MCM7: variants seen among roughly 807,000 people sequenced by gnomAD.
MCM7 encodes the protein DNA replication licensing factor MCM7.
In MCM7, 95 loss-of-function variants were observed where a neutral mutation model predicts 83.5. The ratio of observed to expected loss-of-function variants is 1.14; its 90% CI spans 0.96 to 1.35. The LOEUF (loss-of-function observed/expected upper bound fraction) is 1.35, where lower values mean the gene tolerates loss of function less well. Among genes scored for constraint, MCM7 ranks in the 40% most tolerant of loss-of-function variants. MCM7 has a pLI of 0.00. For synonymous variants in MCM7, 461 were observed against 352.7 expected, an observed-to-expected ratio of 1.31 and a Z score of -3.44; for missense variants, 1,087 against 957.4, an observed-to-expected ratio of 1.14 and a Z score of -1.79.
At chr7:100,098,525 G>C in intron 6 of MCM7, 53 bp downstream of exon 6, 1 of 1,608,352 alleles carries the variant, frequency 6.2e-7, no homozygotes, top group South Asian at 1.1e-5. Flanking sequence ...GTGACTACAG[G>C]ATTCAAGTGG....
rs1193179271 is a variant in MCM7 at position 100,093,035 on chromosome 7, G to A, written c.2057C>T (p.Ser686Phe). 7 of 1,614,228 alleles carry A rather than the reference G, an allele frequency of 4.3e-6. No individual in the cohort carries two copies. Among genetic ancestry groups the A allele is most frequent in the Admixed American group, 1.7e-5 (1 of 60,030 alleles). Reference protein sequence around the residue: ...RFSEAEQRCVSRGFTPAQFQA... With the variant: ...RFSEAEQRCVFRGFTPAQFQA... ...GAACTGGGCGGGTGTGAAGCCACGA[G>A]ATACACAGCGCTGCTCTGCCTCAGA... The change falls in exon 15 of 15, where the codon TCT becomes TTT. Residue 686 changes from serine (S) to phenylalanine (F), a missense_variant. Transcript: ENST00000303887.
chr7:100,101,018 G>GC, intron 1 of MCM7: 1 of 778,246 alleles, frequency 1.3e-6, no homozygotes, highest in Non-Finnish European at 2.0e-6. Flanking sequence ...GCGCCCCCAA[G>GC]CCCCCAACCC....
In MCM7 at chr7:100,095,818, G is replaced by A. The variant is rs149943121; in HGVS notation, c.1551C>T (p.Leu517=). Residue 517 remains leucine (L), a synonymous_variant, in exon 11 of 15, where the codon CTC becomes CTT. Transcript: ENST00000303887. ...CGGGCCGGTCCTGAATCAGCCAGAG[G>A]AGGTCAAACCGGGAGAGCAGTGCAG... The part of the protein sequence containing the change: ...LPAALLSRFD[L]LWLIQDRPDR... The A allele has an allele frequency of 5.0e-5, 80 of 1,605,102 alleles. No homozygotes were observed. The highest frequency in any genetic ancestry group is 6.7e-5 in the Non-Finnish European group (79 of 1,176,192).
chr7:100,097,055 A>T (rs547958079), intron 10 of MCM7, among the ~76,000 whole-genome samples: 3 of 152,176 alleles, frequency 2.0e-5, no homozygotes, highest in African/African-American at 7.2e-5. Flanking sequence ...GAACCGAGAT[A>T]GCGCCACTGC....
Position 100,096,052 on chromosome 7 carries a change from C to G in MCM7, c.1317G>C (p.Gln439His). The change falls in exon 11 of 15, where the codon CAG (glutamine) becomes CAC (histidine). Residue 439 changes from glutamine to histidine, a missense_variant. Coordinates refer to ENST00000303887, the MANE Select transcript of MCM7 (RefSeq NM_005916.5). ...CGAACTCATCAATGCAGCACACACC[C>G]TGGTCAGCCAGCACCAGGGCCCCAC... is the stretch of plus-strand genomic sequence containing the variant. ...LEGGALVLAD[Q>H]GVCCIDEFDK... 6.2e-7 allele frequency: 1 copy of G among 1,614,116 alleles called. No homozygotes were observed. The highest frequency in any genetic ancestry group is 8.5e-7 in the Non-Finnish European group (1 of 1,180,030).
intron 1 of MCM7, chr7:100,100,581 C>T (rs971595830): frequency 4.7e-5 from 47 of 991,234 alleles, no homozygotes; most frequent in Non-Finnish European, 5.0e-5. Context: ...GCTCGGGATT[C>T]CTCCGCCCAG....
chr7:100,097,468 C>G (rs2116575360), intron 9 of MCM7, 84 bp from the exon 10 acceptor site: 1 of 1,574,376 alleles, frequency 6.4e-7, no homozygotes, highest in East Asian at 2.2e-5. Context: ...CTGCCTACCC[C>G]TAACACCCAG....
chr7:100,099,636 A>C lies in MCM7; in HGVS notation c.229T>G (p.Phe77Val). Residue 77 changes from phenylalanine (F) to valine (V), a missense_variant, in exon 3 of 15, where the codon TTT becomes GTT. Transcript: ENST00000303887. ...AGCAGCTCTTGTACGGCATCAGCAA[A>C]GAGCTTCGCGTAGCGCCTGGCATTC... ...CENARRYAKLFADAVQELLPQ... is the reference protein window; with the variant it reads ...CENARRYAKLVADAVQELLPQ... 6.2e-7 allele frequency: 1 copy of C among 1,614,130 alleles called. No homozygotes were observed. Among genetic ancestry groups the C allele is most frequent in the African/African-American group, 1.3e-5 (1 of 75,038 alleles).
rs1363627481 is a variant in MCM7, at chr7:100,092,855, CA to C, written c.*76del. Reference sequence around the variant, plus strand: ...AGAAAGAGGGGCTCCTCCTTCCCCTCAAAGGCATCACTGCCCCTTCCCAAGG... The same window carrying C: ...AGAAAGAGGGGCTCCTCCTTCCCCTCAAGGCATCACTGCCCCTTCCCAAGG... On this transcript the variant is annotated 3_prime_UTR_variant, in exon 15 of 15. Transcript: ENST00000303887. 1 of 1,498,206 alleles carries C rather than the reference CA, an allele frequency of 6.7e-7. No individual in the cohort carries two copies. Among genetic ancestry groups the C allele is most frequent in the Non-Finnish European group, 9.3e-7 (1 of 1,077,602 alleles). The allele number at this position is 1,498,206 out of a possible 1,614,324, so 92.8% of individuals were successfully genotyped here.
rs959761484 is a variant in MCM7, at chr7:100,100,316, C to G, written c.32-223G>C. 3.2e-6 allele frequency: 4 copies of G among 1,257,378 alleles called. No individual in the cohort carries two copies. In the African/African-American group the frequency reaches 6.2e-5, roughly 19 times the overall value. The allele number at this position is 1,257,378 out of a possible 1,614,324, so 77.9% of individuals were successfully genotyped here. A position where few individuals can be genotyped will look rare whatever the true frequency, so the allele number is the denominator to read the frequency against. On this transcript the variant is annotated intron_variant, in intron 1 of 14. Coordinates refer to ENST00000303887, the MANE Select transcript of MCM7 (RefSeq NM_005916.5). ...TGCACAGGGCCATCCAACATCTCCC[C>G]AGGGGAATTCCGGTCCCTACTTTAG...
chr7:100,096,293 C>A lies in MCM7; in HGVS notation c.1202-126G>T, dbSNP rs111337959. On this transcript the variant is annotated intron_variant, in intron 10 of 14. Coordinates refer to ENST00000303887, the MANE Select transcript of MCM7 (RefSeq NM_005916.5). ...CATTCCACTCCCTCCACCAGGCCTT[C>A]TTGAGATGCCCGAGGATCTGTGGGG... 1.2e-5 allele frequency: 11 copies of A among 912,012 alleles called. No individual in the cohort carries two copies. In the African/African-American group the frequency reaches 1.3e-4, roughly 11 times the overall value. The allele number at this position is 912,012 out of a possible 1,614,324, so 56.5% of individuals were successfully genotyped here.
chr7:100,096,714 G>A (rs1333852735), intron 10 of MCM7, among the ~76,000 whole-genome samples: 1 of 151,982 alleles, frequency 6.6e-6, no homozygotes, highest in Admixed American at 6.6e-5. Flanking sequence ...GGCAGAGGTT[G>A]CAGTGAGCCA....
chr7:100,100,670 G>A, intron 1 of MCM7: 6 of 990,078 alleles, frequency 6.1e-6, no homozygotes, highest in Non-Finnish European at 7.2e-6. Flanking sequence ...TCCCGGGCCC[G>A]AGCGAAGCTC....
chr7:100,099,320 T>G lies in MCM7; in HGVS notation c.360A>C (p.Arg120=). ...EQRSRDPGMV[R]SPQNQYPAEL... is the part of the protein sequence containing the mutation. Reference sequence around the variant, plus strand: ...CAGCAGGGTACTGGTTCTGGGGGCTTCGGACCATCCCAGGGTCCCGACTCC... The same window carrying G: ...CAGCAGGGTACTGGTTCTGGGGGCTGCGGACCATCCCAGGGTCCCGACTCC... Residue 120 remains arginine (R), a synonymous_variant, in exon 4 of 15, where the codon CGA becomes CGC. Transcript: ENST00000303887. 1 of 1,613,498 alleles carries G rather than the reference T, an allele frequency of 6.2e-7. No homozygotes were observed. The highest frequency in any genetic ancestry group is 1.1e-5 in the South Asian group (1 of 91,050).
In MCM7 at chr7:100,098,087, GAGT is replaced by G. The variant is rs1180288139; in HGVS notation, c.870+51_870+53del. 3.1e-6 allele frequency: 5 copies of G among 1,598,032 alleles called. 1 individual carries two copies. In the African/African-American group the frequency reaches 5.4e-5, roughly 17 times the overall value. ...GCTCTTTTCTCTGTGTGGGTAGAAT[GAGT>G]AGGTGAGGGAAAAGGGGATGATCCA... On this transcript the variant is annotated intron_variant, in intron 7 of 14. Transcript: ENST00000303887.
chr7:100,100,597 G>A (rs1350081288), intron 1 of MCM7: 5 of 990,024 alleles, frequency 5.1e-6, no homozygotes, highest in Admixed American at 6.1e-5. Flanking sequence ...CCCAGGGCGG[G>A]AGCCAGTCCA....
chr7:100,095,566 G>GC (rs1332096255), intron 11 of MCM7, 96 bp from the exon 12 acceptor site: 2 of 1,325,224 alleles, frequency 1.5e-6, no homozygotes, highest in Non-Finnish European at 1.0e-6. Context: ...CTTCCTCACA[G>GC]TGTAGGAGGG....
At position 100,099,021 on chromosome 7, in the gene MCM7, A is replaced by T; in HGVS notation, c.582+2T>A. 6.2e-7 allele frequency: 1 copy of T among 1,614,132 alleles called. No individual in the cohort carries two copies. Among genetic ancestry groups the T allele is most frequent in the Non-Finnish European group, 8.5e-7 (1 of 1,180,000 alleles). On this transcript the variant is annotated splice_donor_variant, in intron 5 of 14. Transcript: ENST00000303887. LOFTEE classifies it high-confidence loss of function. The stretch of plus-strand genomic sequence containing the variant: ...CTTTCCTGCTTCTTGCTCCACACGT[A>T]CCGGCTGGTAGGTCTCTGCCCCACA...
At chr7:100,099,525 G>A in intron 3 of MCM7, 64 bp downstream of exon 3, 2 of 1,595,346 alleles carry the variant, frequency 1.3e-6, no homozygotes, top group Non-Finnish European at 1.7e-6. Context: ...CAGTATCTGA[G>A]CAGCCTCTCT....
Sources: allele counts gnomAD v4.1 joint callset (sites outside exome capture counted in the v4.1 genomes callset), GRCh38; gene constraint gnomAD v4.1.1; transcripts MANE v1.5; gene names NCBI Gene and HGNC (gene_info 2026-07-23, HGNC 2026-07-21).